PLOD2: variants seen among roughly 807,000 people sequenced by gnomAD.
PLOD2 encodes the protein procollagen-lysine,2-oxoglutarate 5-dioxygenase 2.
Under a neutral mutation model 101.0 loss-of-function variants are expected in PLOD2, and 65 were observed. The observed-to-expected ratio is 0.64, with a 90% CI of 0.53 to 0.79. PLOD2 has a LOEUF of 0.79. PLOD2 is among the 30% of genes least tolerant of loss of function. The probability of loss-of-function intolerance (pLI) is 0.00; values close to 1 mark genes in which losing one functional copy is unlikely to be tolerated. For synonymous variants in PLOD2, 314 were observed against 302.9 expected, an observed-to-expected ratio of 1.04 and a Z score of -0.38; for missense variants, 909 against 914.6, an observed-to-expected ratio of 0.99 and a Z score of 0.08.
At chr3:146,088,398 A>G (rs538753716) in intron 9 of PLOD2, among the ~76,000 whole-genome samples, 188 bp downstream of exon 9, 4 of 151,678 alleles carry the variant, frequency 2.6e-5, no homozygotes, top group Non-Finnish European at 5.9e-5. Context: ...CATGTGGCTC[A>G]TATCAATATT....
intron 1 of PLOD2, among the ~76,000 whole-genome samples, chr3:146,148,977 A>C (rs1295347188): frequency 6.6e-6 from 1 of 152,370 alleles, no homozygotes; most frequent in East Asian, 1.9e-4. Context: ...CATAATCCAC[A>C]GAAATAAATC....
intron 13 of PLOD2, 102 bp downstream of exon 13, chr3:146,079,014 C>CA: frequency 8.0e-7 from 1 of 1,254,906 alleles, no homozygotes; most frequent in Non-Finnish European, 1.2e-6. Context: ...CTAGTACTTA[C>CA]AAATTAGCAA....
chr3:146,084,498 G>A (rs941092784), intron 11 of PLOD2, among the ~76,000 whole-genome samples: 14 of 152,058 alleles, frequency 9.2e-5, no homozygotes, highest in Non-Finnish European at 1.6e-4. Context: ...TATTTATTAT[G>A]AGAAATAATT....
Position 146,158,796 on chromosome 3 carries a change from T to C in PLOD2, c.109+2085A>G, listed in dbSNP as rs527372192. 6.6e-5 allele frequency among the ~76,000 whole-genome samples: 10 copies of C among 152,220 alleles called. 1 individual carries two copies. The highest frequency in any genetic ancestry group is 6.5e-4 in the Admixed American group (10 of 15,280). ...GCAAAGAAGTGTCTGGCTCAAAATG[T>C]CAATAGGGCCAAGAAATTGTGATTT... On this transcript the variant is annotated intron_variant, in intron 1 of 19. Coordinates refer to ENST00000282903, the MANE Select transcript of PLOD2 (RefSeq NM_182943.3).
At chr3:146,105,791 G>A (rs1387319500) in intron 5 of PLOD2, among the ~76,000 whole-genome samples, 1 of 152,196 alleles carries the variant, frequency 6.6e-6, no homozygotes, top group Non-Finnish European at 1.5e-5. Context: ...TGTGGATACA[G>A]AGTCTAGCCT....
chr3:146,133,680 T>C (rs1344245238), intron 1 of PLOD2, among the ~76,000 whole-genome samples: 1 of 152,026 alleles, frequency 6.6e-6, no homozygotes, highest in Non-Finnish European at 1.5e-5. Context: ...TTCAGCAAAT[T>C]CTTTCCAGAG....
chr3:146,075,355 A>G (rs1936291432), intron 15 of PLOD2, among the ~76,000 whole-genome samples: 1 of 151,546 alleles, frequency 6.6e-6, no homozygotes, highest in Non-Finnish European at 1.5e-5. Flanking sequence ...GCAAGGGGAA[A>G]ATCATTACAG....
Position 146,076,894 on chromosome 3 carries a change from C to G in PLOD2, c.1565G>C (p.Gly522Ala), listed in dbSNP as rs775017069. The G allele has an allele frequency of 4.6e-6, 7 of 1,510,708 alleles. No individual in the cohort carries two copies. The highest frequency in any genetic ancestry group is 1.7e-5 in the Admixed American group (1 of 59,448). The allele number at this position is 1,510,708 out of a possible 1,614,324, so 93.6% of individuals were successfully genotyped here. A position where few individuals can be genotyped will look rare whatever the true frequency, so the allele number is the denominator to read the frequency against. Reference sequence around the variant, plus strand: ...TCTATTAGAAATGTACATAAATACACCCTATATGCCAGAAAATAACAGTAT... The same window carrying G: ...TCTATTAGAAATGTACATAAATACAGCCTATATGCCAGAAAATAACAGTAT... ...ETFQMLSPPK[G>A]VFMYISNRHE... The change falls in exon 15 of 20, where the codon GGT becomes GCT. Residue 522 changes from glycine (G) to alanine (A), a missense_variant and splice_region_variant. Coordinates refer to ENST00000282903, the MANE Select transcript of PLOD2 (RefSeq NM_182943.3).
intron 7 of PLOD2, among the ~76,000 whole-genome samples, chr3:146,092,359 C>A (rs1361900673): frequency 6.6e-6 from 1 of 151,984 alleles, no homozygotes; most frequent in Non-Finnish European, 1.5e-5. Context: ...CTAACTAACA[C>A]AACGCCACAC....
intron 3 of PLOD2, among the ~76,000 whole-genome samples, chr3:146,115,299 T>A (rs762651141): frequency 1.7e-4 from 26 of 152,192 alleles, no homozygotes; most frequent in Non-Finnish European, 1.3e-4. Context: ...TAAGTATGCC[T>A]GGGTCCTGAA....
intron 8 of PLOD2, among the ~76,000 whole-genome samples, chr3:146,089,734 T>C (rs2108026019): frequency 6.6e-6 from 1 of 151,754 alleles, no homozygotes. Context: ...ATATTTATTA[T>C]TAAATGAATA....
At chr3:146,106,687 G>T in intron 4 of PLOD2, 43 bp from the exon 5 acceptor site, 2 of 971,900 alleles carry the variant, frequency 2.1e-6, no homozygotes, top group Non-Finnish European at 3.4e-6. Context: ...AGGATTCAAA[G>T]ACCAAAACTG....
intron 7 of PLOD2, 113 bp downstream of exon 7, chr3:146,102,642 C>T (rs1335524682): frequency 3.0e-6 from 2 of 658,826 alleles, no homozygotes; most frequent in Middle Eastern, 3.9e-4. Flanking sequence ...TTTATTTTAG[C>T]ACCAAAATAA....
intron 7 of PLOD2, among the ~76,000 whole-genome samples, chr3:146,095,862 CT>C (rs1937131028): frequency 1.3e-5 from 1 of 78,768 alleles, no homozygotes; most frequent in Admixed American, 1.2e-4. Flanking sequence ...ACCCTCTCCC[CT>C]CTCCCCTCTC....
At chr3:146,140,178 A>C (rs963631313) in intron 1 of PLOD2, among the ~76,000 whole-genome samples, 3 of 144,418 alleles carry the variant, frequency 2.1e-5, no homozygotes, top group African/African-American at 5.2e-5. Flanking sequence ...TCAATGTTTC[A>C]TTTGGGGAAT....
intron 3 of PLOD2, among the ~76,000 whole-genome samples, chr3:146,119,027 C>G (rs1938054910): frequency 6.6e-6 from 1 of 152,022 alleles, no homozygotes; most frequent in African/African-American, 2.4e-5. Flanking sequence ...AATCTACGTC[C>G]CCACCCACAT....
chr3:146,113,494 G>A (rs1937746181), intron 3 of PLOD2, among the ~76,000 whole-genome samples: 1 of 152,170 alleles, frequency 6.6e-6, no homozygotes, highest in African/African-American at 2.4e-5. Context: ...CATAAATTGT[G>A]AAGATTTCAT....
intron 1 of PLOD2, among the ~76,000 whole-genome samples, chr3:146,154,666 T>C (rs1320544287): frequency 6.6e-6 from 1 of 152,294 alleles, no homozygotes; most frequent in East Asian, 1.9e-4. Flanking sequence ...AATTAAGCAT[T>C]TTCTCACTTA....
intron 17 of PLOD2, among the ~76,000 whole-genome samples, chr3:146,072,073 T>C (rs909071368): frequency 1.3e-5 from 2 of 151,728 alleles, no homozygotes; most frequent in African/African-American, 4.8e-5. Context: ...GCAGTAGTAT[T>C]TCCTGCCAAG....
Sources: allele counts gnomAD v4.1 joint callset (sites outside exome capture counted in the v4.1 genomes callset), GRCh38; gene constraint gnomAD v4.1.1; transcripts MANE v1.5; gene names NCBI Gene and HGNC (gene_info 2026-07-23, HGNC 2026-07-21).